Variants in TRAPPC9 observed in about 807,000 individuals in gnomAD.
The protein encoded by TRAPPC9 is trafficking protein particle complex subunit 9, also known as IKK2 binding protein.
Under a neutral mutation model 124.0 loss-of-function variants are expected in TRAPPC9, and 83 were observed. The ratio of observed to expected loss-of-function variants is 0.67; its 90% CI spans 0.56 to 0.80. TRAPPC9 has a LOEUF of 0.80. TRAPPC9 is among the 30% of genes least tolerant of loss of function. TRAPPC9 has a pLI of 0.00. For missense variants in TRAPPC9, 1,302 were observed against 1,508.3 expected (o/e 0.86, Z 2.27); for synonymous variants, 638 against 617.5 (o/e 1.03, Z -0.49).
intron 5 of TRAPPC9, among the ~76,000 whole-genome samples, chr8:140,417,654 G>A (rs181967480): frequency 3.3e-5 from 5 of 152,334 alleles, no homozygotes; most frequent in East Asian, 3.9e-4. Context: ...ACAGTGTAGC[G>A]ATTCCTCAAG....
intron 9 of TRAPPC9, among the ~76,000 whole-genome samples, chr8:140,343,382 C>T (rs1443574165): frequency 1.3e-5 from 2 of 152,222 alleles, no homozygotes; most frequent in African/African-American, 4.8e-5. Flanking sequence ...AAAGGTGATA[C>T]AGTGTTTTGC....
At chr8:140,007,635 C>A (rs1456416293) in intron 18 of TRAPPC9, among the ~76,000 whole-genome samples, 1 of 152,176 alleles carries the variant, frequency 6.6e-6, no homozygotes, top group African/African-American at 2.4e-5. Context: ...GTTGCACAAT[C>A]TACCTTTCAA....
At chr8:140,273,369 GC>G (rs1181132677) in intron 15 of TRAPPC9, among the ~76,000 whole-genome samples, 1 of 152,226 alleles carries the variant, frequency 6.6e-6, no homozygotes, top group Admixed American at 6.5e-5. Context: ...CCTGTCTCCT[GC>G]CTGGCCCCGG....
intron 19 of TRAPPC9, among the ~76,000 whole-genome samples, chr8:139,927,253 T>TC (rs1200364421): frequency 7.1e-6 from 1 of 139,950 alleles, no homozygotes; most frequent in Non-Finnish European, 1.6e-5. Context: ...TTCTTTTCTT[T>TC]CTTTTTTTTT....
intron 7 of TRAPPC9, among the ~76,000 whole-genome samples, chr8:140,391,398 G>T (rs920635605): frequency 2.0e-5 from 3 of 152,172 alleles, no homozygotes; most frequent in Non-Finnish European, 4.4e-5. Flanking sequence ...ACTGTCACTT[G>T]CCATTTTTGA....
At chr8:140,112,377 C>T (rs948580925) in intron 17 of TRAPPC9, among the ~76,000 whole-genome samples, 12 of 143,326 alleles carry the variant, frequency 8.4e-5, no homozygotes, top group South Asian at 2.2e-4. Context: ...GAATTCCAGA[C>T]GATGGTGGGA....
chr8:140,412,687 T>G (rs1006484205), intron 5 of TRAPPC9, among the ~76,000 whole-genome samples: 8 of 151,978 alleles, frequency 5.3e-5, no homozygotes, highest in African/African-American at 1.9e-4. Flanking sequence ...GGGTGAAGAG[T>G]ACATCAGAAT....
At chr8:140,305,308 T>TGAGA (rs149087680) in intron 10 of TRAPPC9, among the ~76,000 whole-genome samples, 5 of 151,602 alleles carry the variant, frequency 3.3e-5, no homozygotes, top group African/African-American at 1.2e-4. Flanking sequence ...TTCTTTTTTT[T>TGAGA]GAGAGAGAGA....
At chr8:139,819,680 C>T (rs915901573) in intron 21 of TRAPPC9, among the ~76,000 whole-genome samples, 12 of 152,114 alleles carry the variant, frequency 7.9e-5, no homozygotes, top group African/African-American at 2.9e-4. Flanking sequence ...CATCCACCAG[C>T]ACCAAGTATG....
intron 18 of TRAPPC9, among the ~76,000 whole-genome samples, chr8:140,009,888 T>G (rs1406189994): frequency 1.3e-5 from 2 of 152,188 alleles, no homozygotes; most frequent in Admixed American, 1.3e-4. Flanking sequence ...CCTAGGACAG[T>G]GCTTCGCAGA....
chr8:140,244,502 A>G (rs1179558484), intron 16 of TRAPPC9, among the ~76,000 whole-genome samples: 1 of 152,238 alleles, frequency 6.6e-6, no homozygotes, highest in Admixed American at 6.5e-5. Flanking sequence ...TAATTAATTG[A>G]AAAGGAAACC....
At chr8:140,117,026 C>T (rs1423564326) in intron 17 of TRAPPC9, among the ~76,000 whole-genome samples, 1 of 152,088 alleles carries the variant, frequency 6.6e-6, no homozygotes, top group African/African-American at 2.4e-5. Context: ...TCCACACGAA[C>T]AGGAGGAGGA....
chr8:140,260,585 C>T (rs1017983100), intron 15 of TRAPPC9, among the ~76,000 whole-genome samples: 5 of 152,182 alleles, frequency 3.3e-5, no homozygotes, highest in Non-Finnish European at 7.3e-5. Flanking sequence ...CTTTCTACTA[C>T]CTGTGCTAAC....
intron 17 of TRAPPC9, among the ~76,000 whole-genome samples, chr8:140,086,725 T>C (rs915402589): frequency 6.6e-6 from 1 of 151,600 alleles, no homozygotes; most frequent in African/African-American, 2.4e-5. Flanking sequence ...AGGTCAGGAG[T>C]TCAAGACCAG....
chr8:140,018,617 G>A (rs529492231), intron 18 of TRAPPC9, among the ~76,000 whole-genome samples: 4 of 152,036 alleles, frequency 2.6e-5, no homozygotes, highest in Admixed American at 1.3e-4. Flanking sequence ...GTGAGCCACC[G>A]TGCCTGGCCA....
chr8:139,812,269 C>T (rs1824494653), intron 21 of TRAPPC9, among the ~76,000 whole-genome samples: 1 of 152,150 alleles, frequency 6.6e-6, no homozygotes, highest in African/African-American at 2.4e-5. Context: ...ATAATACATG[C>T]TTGGCTTAGC....
chr8:139,808,934 G>C (rs1322222920), intron 21 of TRAPPC9, among the ~76,000 whole-genome samples: 1 of 152,166 alleles, frequency 6.6e-6, no homozygotes, highest in African/African-American at 2.4e-5. Context: ...GCCACAAACA[G>C]GCACGTACAA....
rs146799468 is a variant in TRAPPC9, at chr8:140,380,071, T to C, written c.1135-8891A>G. 3.7e-4 allele frequency among the ~76,000 whole-genome samples: 57 copies of C among 152,234 alleles called. No homozygotes were observed. The East Asian group carries it at 4.2e-3, about 11-fold the overall frequency. ...CCTATCAAAATCCCAGCTGACTTAT[T>C]TGGAGAAATTGACAAGCTTATGCCA... On this transcript the variant is annotated intron_variant, in intron 7 of 22. Coordinates refer to ENST00000438773, the MANE Select transcript of TRAPPC9 (RefSeq NM_001160372.4).
At chr8:140,005,811 C>G (rs1330398644) in intron 18 of TRAPPC9, among the ~76,000 whole-genome samples, 1 of 151,148 alleles carries the variant, frequency 6.6e-6, no homozygotes, top group East Asian at 2.0e-4. Flanking sequence ...ACTTGGGAGG[C>G]TGAGGCAGGA....
Sources: allele counts gnomAD v4.1 joint callset (sites outside exome capture counted in the v4.1 genomes callset), GRCh38; gene constraint gnomAD v4.1.1; transcripts MANE v1.5; gene names NCBI Gene and HGNC (gene_info 2026-07-23, HGNC 2026-07-21).